ERP27: variants seen among roughly 807,000 people sequenced by gnomAD.
ERP27 encodes endoplasmic reticulum resident protein 27.
In ERP27, 23 loss-of-function variants were observed where a neutral mutation model predicts 27.7. The ratio of observed to expected loss-of-function variants is 0.83; its 90% CI spans 0.60 to 1.18. ERP27 has a LOEUF of 1.18. Among genes scored for constraint, ERP27 ranks in the 50% most tolerant of loss-of-function variants. ERP27 has a pLI of 0.00. For missense variants in ERP27, 363 were observed against 327.9 expected, an observed-to-expected ratio of 1.11 and a Z score of -0.83; for synonymous variants, 159 against 118.3, an observed-to-expected ratio of 1.34 and a Z score of -2.23.
chr12:14,935,821 G>A (rs528335797), intron 2 of ERP27, among the ~76,000 whole-genome samples: 10 of 152,286 alleles, frequency 6.6e-5, no homozygotes, highest in South Asian at 4.1e-4. Context: ...TCTGCCTCAC[G>A]GATACTTGTG....
In ERP27 at chr12:14,931,200, C is replaced by T. The variant is rs548989155; in HGVS notation, c.333+3656G>A. On this transcript the variant is annotated intron_variant, in intron 3 of 6. Coordinates refer to ENST00000266397, the MANE Select transcript of ERP27 (RefSeq NM_152321.4). ...GCAGGAATAATAAAAATTACTTCAT[C>T]AGATTCTTGTGTGAATTAAATGGTC... 2.7e-3 allele frequency among the ~76,000 whole-genome samples: 408 copies of T among 152,184 alleles called. 2 individuals carry two copies. Among genetic ancestry groups the T allele is most frequent in the Non-Finnish European group, 4.9e-3 (335 of 68,010 alleles).
intron 3 of ERP27, chr12:14,928,941 C>T (rs527939509): frequency 1.6e-5 from 24 of 1,534,902 alleles, no homozygotes; most frequent in Middle Eastern, 1.7e-4. Context: ...ATGCTGCTAC[C>T]GACCTGTATT....
rs545671761 is a variant in ERP27, at chr12:14,930,162, C to T, written c.333+4694G>A. ...AAACCTTCATGTTATGCACATGTAT[C>T]CTGGAACTTAAAGTAAAATGAAATA... On this transcript the variant is annotated intron_variant, in intron 3 of 6. Transcript: ENST00000266397. Among the ~76,000 whole-genome samples the T allele has an allele frequency of 1.8e-4, 27 of 152,000 alleles. No individual in the cohort carries two copies. In the South Asian group the frequency reaches 4.4e-3, roughly 25 times the overall value.
chr12:14,922,474 C>T (rs1207076960), intron 3 of ERP27, among the ~76,000 whole-genome samples: 1 of 460 alleles, frequency 2.2e-3, no homozygotes, highest in African/African-American at 8.2e-3. Context: ...TTTCTTTTGT[C>T]TATCTTTTTC....
chr12:14,927,975 C>G (rs1863631918), intron 3 of ERP27, among the ~76,000 whole-genome samples: 1 of 152,186 alleles, frequency 6.6e-6, no homozygotes, highest in South Asian at 2.1e-4. Flanking sequence ...CCAATCTACT[C>G]ATACCCATAA....
At position 14,920,969 on chromosome 12, in the gene ERP27, A is replaced by G; in HGVS notation, c.413T>C (p.Ile138Thr). Residue 138 changes from isoleucine (I) to threonine (T), a missense_variant, in exon 4 of 7, where the codon ATC becomes ACC. Physicochemically the swap from Ile to Thr is moderately conservative, Grantham distance 89 (BLOSUM62 -1). Transcript: ENST00000266397. ...DATKLSRFIEINSLHMVTEYN... is the reference protein window; with the variant it reads ...DATKLSRFIETNSLHMVTEYN... ...CTCTGTCACCATGTGGAGGCTGTTG[A>G]TCTCAATGAAACGGCTCAATTTGGT... is the stretch of plus-strand genomic sequence containing the variant. 6.2e-7 allele frequency: 1 copy of G among 1,614,156 alleles called. No individual in the cohort carries two copies. Among genetic ancestry groups the G allele is most frequent in the Non-Finnish European group, 8.5e-7 (1 of 1,179,988 alleles).
At chr12:14,935,219 G>T in intron 2 of ERP27, 1 of 905,070 alleles carries the variant, frequency 1.1e-6, no homozygotes. Context: ...AGCTGAGCCT[G>T]AGACTCCTGT....
chr12:14,932,489 G>T, intron 3 of ERP27, among the ~76,000 whole-genome samples: 1 of 152,208 alleles, frequency 6.6e-6, no homozygotes, highest in South Asian at 2.1e-4. Context: ...GTTGGCTACT[G>T]AGAGGATAAA....
intron 2 of ERP27, among the ~76,000 whole-genome samples, chr12:14,935,836 A>T (rs1264840982): frequency 6.6e-6 from 1 of 152,230 alleles, no homozygotes; most frequent in South Asian, 2.1e-4. Flanking sequence ...CTTGTGCCAC[A>T]GCCTCCTGAG....
Position 14,938,496 on chromosome 12 carries a change from G to C in ERP27, c.13C>G (p.Pro5Ala). The C allele has an allele frequency of 6.2e-7, 1 of 1,612,040 alleles. No homozygotes were observed. The highest frequency in any genetic ancestry group is 8.5e-7 in the Non-Finnish European group (1 of 1,179,080). Reference protein sequence around the residue: MEAAPSRFMFLLFLL... With the variant: MEAAASRFMFLLFLL... ...AATAAGAGGAACATGAACCTGGACG[G>C]GGCAGCTTCCATTGTCCCTCTCCTG... The change falls in exon 1 of 7, where the codon CCG becomes GCG. Residue 5 changes from proline (P) to alanine (A), a missense_variant. By Grantham distance (27) the Pro-to-Ala change is conservative. Transcript: ENST00000266397.
chr12:14,920,961 GGCT>G lies in ERP27; in HGVS notation c.418_420del (p.Ser140del). 6.2e-7 allele frequency: 1 copy of G among 1,614,090 alleles called. No homozygotes were observed. The highest frequency in any genetic ancestry group is 8.5e-7 in the Non-Finnish European group (1 of 1,179,954). On this transcript the variant is annotated inframe_deletion, in exon 4 of 7. Coordinates refer to ENST00000266397, the MANE Select transcript of ERP27 (RefSeq NM_152321.4). ...GGGTTGTACTCTGTCACCATGTGGA[GGCT>G]GTTGATCTCAATGAAACGGCTCAAT...
At chr12:14,927,717 C>T (rs1324668718) in intron 3 of ERP27, among the ~76,000 whole-genome samples, 1 of 150,630 alleles carries the variant, frequency 6.6e-6, no homozygotes, top group Non-Finnish European at 1.5e-5. Context: ...TATTTTCCCT[C>T]TTTTACTGGC....
intron 5 of ERP27, chr12:14,915,903 C>G: frequency 2.1e-6 from 1 of 481,734 alleles, no homozygotes; most frequent in Non-Finnish European, 3.7e-6. Flanking sequence ...TTATCCTTAG[C>G]AAACTAACAC....
intron 3 of ERP27, 145 bp downstream of exon 3, chr12:14,934,711 G>T: frequency 1.0e-6 from 1 of 993,174 alleles, no homozygotes; most frequent in African/African-American, 1.6e-5. Flanking sequence ...AGCTTGAATT[G>T]AGTCATCATC....
At chr12:14,933,648 A>G (rs915334035) in intron 3 of ERP27, among the ~76,000 whole-genome samples, 7 of 152,180 alleles carry the variant, frequency 4.6e-5, no homozygotes, top group South Asian at 2.1e-4. Context: ...TTTTCCATCA[A>G]TTTACTCTTT....
At chr12:14,933,216 G>T (rs1863722766) in intron 3 of ERP27, among the ~76,000 whole-genome samples, 1 of 152,110 alleles carries the variant, frequency 6.6e-6, no homozygotes. Context: ...CACATAGCAT[G>T]GGTTCCATGA....
chr12:14,915,738 G>A (rs1018030701), intron 5 of ERP27, 52 bp from the exon 6 acceptor site: 1 of 1,512,498 alleles, frequency 6.6e-7, no homozygotes, highest in Non-Finnish European at 9.1e-7. Flanking sequence ...TGACGTCCAG[G>A]GATAAAGAGA....
intron 4 of ERP27, among the ~76,000 whole-genome samples, chr12:14,918,654 A>AGTCTT (rs1278372899): frequency 6.6e-6 from 1 of 152,196 alleles, no homozygotes; most frequent in Non-Finnish European, 1.5e-5. Flanking sequence ...CTTTGGTCAG[A>AGTCTT]GTCTTAGGAG....
chr12:14,924,187 C>T (rs1302110273), intron 3 of ERP27, among the ~76,000 whole-genome samples: 2 of 152,176 alleles, frequency 1.3e-5, no homozygotes, highest in Admixed American at 1.3e-4. Context: ...TCTATCTGTG[C>T]TCCTACACAT....
Sources: gnomAD v4.1 joint callset for allele counts (sites outside exome capture counted in the v4.1 genomes callset) on GRCh38, gnomAD v4.1.1 for gene constraint, MANE v1.5 for transcripts, NCBI Gene and HGNC (gene_info 2026-07-23, HGNC 2026-07-21) for gene names.